The following KALRN variants were observed in gnomAD, a reference collection of about 807,000 sequenced individuals.
The protein encoded by KALRN is kalirin.
Under a neutral mutation model 353.7 loss-of-function variants are expected in KALRN, and 70 were observed. The ratio of observed to expected loss-of-function variants is 0.20; its 90% CI spans 0.16 to 0.24. KALRN has a LOEUF of 0.24. Among genes scored for constraint, KALRN ranks in the 10% least tolerant of loss-of-function variants. The pLI is 1.00. For missense variants in KALRN, 2,791 were observed against 3,756.7 expected, an observed-to-expected ratio of 0.74 and a Z score of 6.72; for synonymous variants, 1,391 against 1,434.8, an observed-to-expected ratio of 0.97 and a Z score of 0.69.
chr3:124,424,222 C>G (rs2092916194), intron 15 of KALRN, among the ~76,000 whole-genome samples: 1 of 151,884 alleles, frequency 6.6e-6, no homozygotes, highest in South Asian at 2.1e-4. Flanking sequence ...CCACTCTACC[C>G]AAATCATCCT....
At chr3:124,448,011 C>T (rs535742559) in intron 21 of KALRN, among the ~76,000 whole-genome samples, 5 of 152,238 alleles carry the variant, frequency 3.3e-5, no homozygotes, top group South Asian at 2.1e-4. Flanking sequence ...TGGCTTTATC[C>T]GCCCTTCTCC....
intron 1 of KALRN, among the ~76,000 whole-genome samples, chr3:124,143,943 T>C (rs1004438686): frequency 6.6e-6 from 1 of 152,154 alleles, no homozygotes; most frequent in African/African-American, 2.4e-5. Context: ...AGATGGGCAG[T>C]AAGGGGGGGA....
intron 6 of KALRN, among the ~76,000 whole-genome samples, chr3:124,321,697 G>T (rs957968028): frequency 1.4e-4 from 21 of 152,210 alleles, no homozygotes; most frequent in Admixed American, 6.5e-4. Flanking sequence ...TGAGGGCAGG[G>T]TGTCAATATA....
intron 29 of KALRN, among the ~76,000 whole-genome samples, chr3:124,489,157 A>T (rs985093868): frequency 2.6e-5 from 4 of 152,108 alleles, no homozygotes; most frequent in African/African-American, 9.7e-5. Context: ...AAATACAAAA[A>T]TTAGCCAGGG....
At chr3:124,430,452 G>A (rs2093220483) in intron 15 of KALRN, among the ~76,000 whole-genome samples, 1 of 152,136 alleles carries the variant, frequency 6.6e-6, no homozygotes, top group East Asian at 1.9e-4. Flanking sequence ...AATAAAGCAG[G>A]TACATAAAAT....
At chr3:124,533,533 T>A (rs1029866594) in intron 33 of KALRN, among the ~76,000 whole-genome samples, 4 of 152,084 alleles carry the variant, frequency 2.6e-5, no homozygotes, top group Non-Finnish European at 5.9e-5. Context: ...TGGTTCAAGC[T>A]TCTCAGGAGG....
At chr3:124,602,994 A>C (rs912630333) in intron 34 of KALRN, among the ~76,000 whole-genome samples, 3 of 142,110 alleles carry the variant, frequency 2.1e-5, no homozygotes, top group Non-Finnish European at 4.7e-5. Flanking sequence ...TAATTACTAC[A>C]GTGGAATCTA....
At position 124,601,157 on chromosome 3, in the gene KALRN, C is replaced by A. The variant is rs553576528; in HGVS notation, c.5183-31263C>A. Among the ~76,000 whole-genome samples, 5 of 152,316 alleles carry A rather than the reference C, an allele frequency of 3.3e-5. No homozygotes were observed. The South Asian group carries it at 1.0e-3, about 32-fold the overall frequency. ...TTATGGCAATGTCTTCATCTGCGCA[C>A]TTGGGGAAATACAGGCATCTATCCC... On this transcript the variant is annotated intron_variant, in intron 34 of 59. Transcript: ENST00000682506.
intron 32 of KALRN, among the ~76,000 whole-genome samples, chr3:124,495,244 A>T (rs2063578517): frequency 6.6e-6 from 1 of 152,108 alleles, no homozygotes; most frequent in South Asian, 2.1e-4. Context: ...CTTTGAGAAA[A>T]TGCCTTGGCC....
At chr3:124,183,170 G>A (rs1413159114) in intron 1 of KALRN, among the ~76,000 whole-genome samples, 1 of 152,186 alleles carries the variant, frequency 6.6e-6, no homozygotes, top group African/African-American at 2.4e-5. Flanking sequence ...GGCACATGGA[G>A]AGAGACTGTG....
intron 5 of KALRN, among the ~76,000 whole-genome samples, chr3:124,285,056 C>T (rs1164223470): frequency 3.9e-5 from 6 of 152,166 alleles, no homozygotes; most frequent in African/African-American, 1.4e-4. Context: ...GAGGGAGAAA[C>T]ACAGACATTG....
At chr3:124,414,653 C>A (rs183308996) in intron 14 of KALRN, among the ~76,000 whole-genome samples, 16 of 152,270 alleles carry the variant, frequency 1.1e-4, no homozygotes, top group Admixed American at 9.1e-4. Context: ...GGAGAGAGCA[C>A]CATGGTGATC....
intron 10 of KALRN, among the ~76,000 whole-genome samples, chr3:124,372,903 G>GAACGGTTTCAATGGTAGATT (rs138999841): frequency 2.3e-5 from 1 of 43,742 alleles, no homozygotes; most frequent in Non-Finnish European, 4.4e-5. Context: ...TCCCTTGGAT[G>GAACGGTTTCAATGGTAGATT]AGCGGTTTCA....
In KALRN at chr3:124,123,235, G is replaced by A. The variant is rs527904797; in HGVS notation, c.73+89422G>A. Among the ~76,000 whole-genome samples the A allele has an allele frequency of 2.0e-5, 3 of 150,294 alleles. No homozygotes were observed. The South Asian group carries it at 6.3e-4, about 32-fold the overall frequency. ...AGGCAAGATAGGCAGAAAGCCTTGTGTTAGACTGTTAGCCAAGTTGTGAAT... is the reference window on the plus strand; with the variant it reads ...AGGCAAGATAGGCAGAAAGCCTTGTATTAGACTGTTAGCCAAGTTGTGAAT... On this transcript the variant is annotated intron_variant, in intron 1 of 59. Coordinates refer to ENST00000682506, the MANE Select transcript of KALRN (RefSeq NM_001388419.1).
chr3:124,176,191 T>G (rs2072716024), intron 1 of KALRN, among the ~76,000 whole-genome samples: 1 of 152,182 alleles, frequency 6.6e-6, no homozygotes, highest in African/African-American at 2.4e-5. Flanking sequence ...TCTTTTCAGT[T>G]GTTTTTTACC....
chr3:124,699,025 A>G (rs1406323653), intron 55 of KALRN, among the ~76,000 whole-genome samples: 1 of 152,212 alleles, frequency 6.6e-6, no homozygotes, highest in Non-Finnish European at 1.5e-5. Context: ...TTGCTACCCT[A>G]TCCCCCGAAC....
chr3:124,349,084 T>C (rs1215430305), intron 10 of KALRN, among the ~76,000 whole-genome samples: 3 of 152,234 alleles, frequency 2.0e-5, no homozygotes, highest in Non-Finnish European at 4.4e-5. Flanking sequence ...CCAATGTCCA[T>C]TGACGGATGC....
At chr3:124,548,571 A>T (rs1457539832) in intron 33 of KALRN, among the ~76,000 whole-genome samples, 1 of 152,232 alleles carries the variant, frequency 6.6e-6, no homozygotes, top group East Asian at 1.9e-4. Context: ...GGAGTATTCC[A>T]TGTGACCTCA....
At chr3:124,441,467 C>CCAGT (rs1315059106) in intron 18 of KALRN, among the ~76,000 whole-genome samples, 1 of 152,156 alleles carries the variant, frequency 6.6e-6, no homozygotes, top group Non-Finnish European at 1.5e-5. Flanking sequence ...TCTCCATGAA[C>CCAGT]CAGTGGTGAC....
Sources: gnomAD v4.1 joint callset for allele counts (sites outside exome capture counted in the v4.1 genomes callset) on GRCh38, gnomAD v4.1.1 for gene constraint, MANE v1.5 for transcripts, NCBI Gene and HGNC (gene_info 2026-07-23, HGNC 2026-07-21) for gene names.